ROBO2: variants seen among roughly 807,000 people sequenced by gnomAD.
ROBO2 encodes the protein roundabout guidance receptor 2, also known as roundabout homolog 2.
ROBO2 carries 53 observed loss-of-function variants against 160.8 expected under a neutral mutation model. The observed-to-expected ratio is 0.33, with a 90% CI of 0.26 to 0.41. The LOEUF (loss-of-function observed/expected upper bound fraction) is 0.41, where lower values mean the gene tolerates loss of function less well. Among genes scored for constraint, ROBO2 ranks in the 10% least tolerant of loss-of-function variants. The pLI is 1.00. For missense variants in ROBO2, 1,577 were observed against 1,722.4 expected, an observed-to-expected ratio of 0.92 and a Z score of 1.49; for synonymous variants, 664 against 611.7, an observed-to-expected ratio of 1.09 and a Z score of -1.26.
intron 13 of ROBO2, among the ~76,000 whole-genome samples, chr3:77,571,311 A>C (rs1010093781): frequency 6.6e-6 from 1 of 152,100 alleles, no homozygotes; most frequent in Non-Finnish European, 1.5e-5. Context: ...AATATGAAGC[A>C]TCACACTTAA....
At chr3:76,615,139 G>A (rs1050633767) in intron 2 of ROBO2, among the ~76,000 whole-genome samples, 3 of 152,112 alleles carry the variant, frequency 2.0e-5, no homozygotes, top group Non-Finnish European at 4.4e-5. Flanking sequence ...AAGTGGGATA[G>A]TTTTTTATGT....
chr3:77,551,035 A>G, intron 8 of ROBO2, 46 bp downstream of exon 9: 2 of 1,588,702 alleles, frequency 1.3e-6, no homozygotes, highest in Non-Finnish European at 1.7e-6. Context: ...ATTGATTTTT[A>G]TTTCTAGATA....
At chr3:77,471,482 A>T (rs1218770569) in intron 2 of ROBO2, among the ~76,000 whole-genome samples, 1 of 152,206 alleles carries the variant, frequency 6.6e-6, no homozygotes, top group African/African-American at 2.4e-5. Flanking sequence ...GTTTCTTGCC[A>T]GCTGTTGGCT....
At chr3:77,558,226 T>C in intron 9 of ROBO2, 77 bp downstream of exon 10, 2 of 1,170,760 alleles carry the variant, frequency 1.7e-6, no homozygotes, top group Non-Finnish European at 2.6e-6. Flanking sequence ...CATAGTGAAC[T>C]TAAAATCTTA....
intron 2 of ROBO2, among the ~76,000 whole-genome samples, chr3:76,587,578 A>G (rs913778124): frequency 6.6e-6 from 1 of 152,114 alleles, no homozygotes; most frequent in Non-Finnish European, 1.5e-5. Context: ...TATCACGAGA[A>G]CAGAATGAGG....
At chr3:76,735,786 A>AAAGGGG (rs1553886639) in intron 2 of ROBO2, among the ~76,000 whole-genome samples, 4 of 126,612 alleles carry the variant, frequency 3.2e-5, no homozygotes, top group Non-Finnish European at 3.2e-5. Flanking sequence ...GAAAAAAAAA[A>AAAGGGG]GGGGAAAGGG....
chr3:77,634,238 T>C (rs1360317981), intron 23 of ROBO2: 3 of 153,544 alleles, frequency 2.0e-5, no homozygotes, highest in African/African-American at 7.2e-5. Flanking sequence ...AAAATACCTA[T>C]TGCATGCTGG....
At chr3:76,684,043 CTGGAGATG>C (rs1275163442) in intron 2 of ROBO2, among the ~76,000 whole-genome samples, 1 of 151,810 alleles carries the variant, frequency 6.6e-6, no homozygotes, top group African/African-American at 2.4e-5. Context: ...GCGATGCCAA[CTGGAGATG>C]ATTGAAAACG....
intron 1 of ROBO2, among the ~76,000 whole-genome samples, chr3:75,928,205 C>G (rs1372776984): frequency 1.6e-4 from 24 of 151,040 alleles, no homozygotes; most frequent in Admixed American, 1.1e-3. Context: ...AGGATGGTCT[C>G]TATCTCCTGA....
intron 24 of ROBO2, among the ~76,000 whole-genome samples, chr3:77,638,737 G>GCTA (rs1242245969): frequency 6.7e-6 from 1 of 150,094 alleles, no homozygotes; most frequent in Admixed American, 6.6e-5. Context: ...ATTAACCAAT[G>GCTA]CTAAAAAAGA....
chr3:76,979,136 G>A (rs1302408902), intron 2 of ROBO2, among the ~76,000 whole-genome samples: 2 of 151,944 alleles, frequency 1.3e-5, no homozygotes, highest in Admixed American at 6.6e-5. Context: ...TGGAAGTGGG[G>A]TTACGCCATG....
At chr3:76,967,573 G>GTGCAGTGGCAAGATAATAGCTCAC (rs2149266897) in intron 2 of ROBO2, among the ~76,000 whole-genome samples, 1 of 139,364 alleles carries the variant, frequency 7.2e-6, no homozygotes, top group East Asian at 2.2e-4. Context: ...CCAGGCTGGA[G>GTGCAGTGGCAAGATAATAGCTCAC]TGCAGTGGCA....
At chr3:77,137,270 A>G (rs774692927) in intron 2 of ROBO2, among the ~76,000 whole-genome samples, 4 of 152,128 alleles carry the variant, frequency 2.6e-5, no homozygotes, top group Admixed American at 1.3e-4. Context: ...CTTGTTGCCC[A>G]GGCTGGCGTG....
chr3:77,473,440 C>CT lies in ROBO2; in HGVS notation c.389-3937dup, dbSNP rs71104688. 3.3e-3 allele frequency among the ~76,000 whole-genome samples: 258 copies of CT among 77,910 alleles called. 58 individuals carry two copies. Among genetic ancestry groups the CT allele is most frequent in the Middle Eastern group, 9.4e-3 (1 of 106 alleles). 51.1% of individuals were successfully genotyped at this position (77,910 alleles called of 152,430 possible). A position where few individuals can be genotyped will look rare whatever the true frequency, so the allele number is the denominator to read the frequency against. ...CTGCAGTTCGATTTTACAAACTGCT[C>CT]TTTTTTTTTTTTTTTTTTTTTTTTT... On this transcript the variant is annotated intron_variant, in intron 2 of 25. Transcript: ENST00000461745.
chr3:76,612,164 G>C (rs1316642840), intron 2 of ROBO2, among the ~76,000 whole-genome samples: 3 of 152,304 alleles, frequency 2.0e-5, no homozygotes, highest in African/African-American at 7.2e-5. Flanking sequence ...GACATGTTTT[G>C]TGGCCTATCA....
At chr3:77,043,063 A>C (rs1053203652) in intron 1 of ROBO2, among the ~76,000 whole-genome samples, 1 of 152,238 alleles carries the variant, frequency 6.6e-6, no homozygotes, top group African/African-American at 2.4e-5. Flanking sequence ...ATACTTCAGA[A>C]TGACAGTTTC....
intron 1 of ROBO2, among the ~76,000 whole-genome samples, chr3:77,049,571 TA>T (rs1301593209): frequency 6.6e-6 from 1 of 152,218 alleles, no homozygotes; most frequent in Non-Finnish European, 1.5e-5. Context: ...AATGGAATTT[TA>T]AAAATTTAAT....
At chr3:76,301,349 A>G (rs941218162) in intron 2 of ROBO2, among the ~76,000 whole-genome samples, 5 of 152,244 alleles carry the variant, frequency 3.3e-5, no homozygotes, top group Middle Eastern at 3.4e-3. Context: ...AATGGTTGAA[A>G]ATTAATATTA....
At chr3:76,545,234 C>T (rs1220906749) in intron 2 of ROBO2, among the ~76,000 whole-genome samples, 2 of 151,912 alleles carry the variant, frequency 1.3e-5, no homozygotes, top group East Asian at 3.9e-4. Context: ...GTACAGTTTA[C>T]ATTCCGAAAT....
Sources: allele counts gnomAD v4.1 joint callset (sites outside exome capture counted in the v4.1 genomes callset), GRCh38; gene constraint gnomAD v4.1.1; transcripts MANE v1.5; gene names NCBI Gene and HGNC (gene_info 2026-07-23, HGNC 2026-07-21).